The following CRYBG1 variants were observed in gnomAD, a reference collection of about 807,000 sequenced individuals.
CRYBG1 encodes the protein beta/gamma crystallin domain-containing protein 1.
CRYBG1 carries 139 observed loss-of-function variants against 189.2 expected under a neutral mutation model. The ratio of observed to expected loss-of-function variants is 0.73; its 90% CI spans 0.64 to 0.85. CRYBG1 has a LOEUF of 0.85. Ranked by LOEUF, CRYBG1 falls within the 40% of genes least tolerant of loss-of-function variation. The pLI, the probability that CRYBG1 is intolerant of heterozygous loss-of-function variation, is 0.00. For synonymous variants in CRYBG1, 1,023 were observed against 1,017.1 expected (o/e 1.01, Z -0.11); for missense variants, 2,611 against 2,675.8 (o/e 0.98, Z 0.53).
At chr6:106,477,393 A>G (rs1447383275) in intron 2 of CRYBG1, among the ~76,000 whole-genome samples, 1 of 152,182 alleles carries the variant, frequency 6.6e-6, no homozygotes, top group Non-Finnish European at 1.5e-5. Flanking sequence ...TTCAGTAGAT[A>G]GTTAATATCC....
chr6:106,512,130 G>A lies in CRYBG1; in HGVS notation c.1013G>A (p.Gly338Asp), dbSNP rs1773283422. Residue 338 changes from glycine to aspartate, a missense_variant, in exon 3 of 22, where the codon GGC becomes GAC. Physicochemically the swap from Gly to Asp is moderately conservative, Grantham distance 94. Coordinates refer to ENST00000633556, the MANE Select transcript of CRYBG1 (RefSeq NM_001371242.2). Reference protein sequence around the residue: ...PRNARSQPPKGASDLPGEPPA... With the variant: ...PRNARSQPPKDASDLPGEPPA... The stretch of plus-strand genomic sequence containing the variant: ...AACGCCCGCAGCCAGCCCCCCAAGG[G>A]CGCGTCTGATTTGCCAGGTGAGCCT... 2 of 1,534,434 alleles carry A rather than the reference G, an allele frequency of 1.3e-6. No individual in the cohort carries two copies. Among genetic ancestry groups the A allele is most frequent in the South Asian group, 2.4e-5 (2 of 83,938 alleles).
At chr6:106,516,685 A>T (rs1393200862) in intron 3 of CRYBG1, among the ~76,000 whole-genome samples, 1 of 152,196 alleles carries the variant, frequency 6.6e-6, no homozygotes, top group Non-Finnish European at 1.5e-5. Flanking sequence ...AATGATAAAG[A>T]TGGAAAGAAC....
chr6:106,368,324 G>C (rs1582723911), intron 1 of CRYBG1, among the ~76,000 whole-genome samples: 1 of 152,006 alleles, frequency 6.6e-6, no homozygotes, highest in African/African-American at 2.4e-5. Flanking sequence ...TTCAGCTAAG[G>C]GGTCAGTTAT....
intron 2 of CRYBG1, among the ~76,000 whole-genome samples, chr6:106,487,110 G>T (rs575771751): frequency 6.6e-6 from 1 of 152,070 alleles, no homozygotes; most frequent in East Asian, 1.9e-4. Flanking sequence ...TTACCGTGGG[G>T]TTAACAAAAC....
intron 1 of CRYBG1, among the ~76,000 whole-genome samples, chr6:106,400,808 C>A (rs1323459236): frequency 6.6e-6 from 1 of 152,110 alleles, no homozygotes; most frequent in East Asian, 1.9e-4. Flanking sequence ...GGAGGGTGAT[C>A]AGTTCTTTAA....
intron 3 of CRYBG1, among the ~76,000 whole-genome samples, chr6:106,513,811 G>A (rs1218958768): frequency 6.6e-6 from 1 of 152,142 alleles, no homozygotes; most frequent in East Asian, 1.9e-4. Flanking sequence ...ATGTATCTTG[G>A]TTGCTTCTTC....
chr6:106,478,994 C>A (rs1310434891), intron 2 of CRYBG1, among the ~76,000 whole-genome samples: 1 of 152,190 alleles, frequency 6.6e-6, no homozygotes, highest in East Asian at 1.9e-4. Context: ...CAATGTGTAG[C>A]TTTTTGCGTC....
intron 2 of CRYBG1, among the ~76,000 whole-genome samples, 164 bp from the exon 3 acceptor site, chr6:106,511,266 C>T (rs989626648): frequency 1.3e-5 from 2 of 152,158 alleles, no homozygotes; most frequent in Non-Finnish European, 2.9e-5. Flanking sequence ...AAAGTAAAAC[C>T]AGAGTTTATT....
chr6:106,552,835 A>G (rs1325224573), intron 15 of CRYBG1, among the ~76,000 whole-genome samples: 1 of 152,220 alleles, frequency 6.6e-6, no homozygotes, highest in Non-Finnish European at 1.5e-5. Context: ...AAACAATAGC[A>G]TCTAGTTATT....
intron 1 of CRYBG1, among the ~76,000 whole-genome samples, chr6:106,408,332 G>A (rs533832956): frequency 8.5e-5 from 13 of 152,204 alleles, no homozygotes; most frequent in Non-Finnish European, 1.8e-4. Context: ...GGAAGAAGTC[G>A]AATCCCTGAA....
At chr6:106,422,267 G>A (rs1026726458) in intron 1 of CRYBG1, among the ~76,000 whole-genome samples, 19 of 152,040 alleles carry the variant, frequency 1.2e-4, no homozygotes, top group African/African-American at 4.6e-4. Context: ...TTAAATTCTT[G>A]AGTGCAGGGA....
chr6:106,391,099 G>A (rs1219040067), intron 1 of CRYBG1, among the ~76,000 whole-genome samples: 4 of 151,994 alleles, frequency 2.6e-5, no homozygotes, highest in African/African-American at 4.8e-5. Flanking sequence ...ATGGAGTCTC[G>A]CTCAGTCACC....
At chr6:106,538,709 A>G (rs1247026081) in intron 8 of CRYBG1, among the ~76,000 whole-genome samples, 1 of 151,984 alleles carries the variant, frequency 6.6e-6, no homozygotes, top group Non-Finnish European at 1.5e-5. Flanking sequence ...CCTGGCCAAT[A>G]TGGTGAGACC....
intron 1 of CRYBG1, among the ~76,000 whole-genome samples, chr6:106,447,547 A>AAT (rs59943398): frequency 0.16 from 22,543 of 140,774 alleles, 2,018 homozygotes; most frequent in Middle Eastern, 0.28. Flanking sequence ...GTACCTCATA[A>AAT]ATATATATAT....
At chr6:106,524,871 T>C (rs1381571688) in intron 4 of CRYBG1, among the ~76,000 whole-genome samples, 1 of 152,232 alleles carries the variant, frequency 6.6e-6, no homozygotes, top group African/African-American at 2.4e-5. Flanking sequence ...GTGCCCTGAA[T>C]TTTCTAGCAT....
rs192240765 is a variant in CRYBG1 at position 106,476,717 on chromosome 6, C to G, written c.312+24885C>G. 2.0e-4 allele frequency among the ~76,000 whole-genome samples: 30 copies of G among 152,216 alleles called. 1 individual carries two copies. In the East Asian group the frequency reaches 5.8e-3, roughly 29 times the overall value. Reference sequence around the variant, plus strand: ...TAGATATAATTCAATAGATCATATTCTTTTTGTGAACTTTTTAGGAACTGC... The same window carrying G: ...TAGATATAATTCAATAGATCATATTGTTTTTGTGAACTTTTTAGGAACTGC... On this transcript the variant is annotated intron_variant, in intron 2 of 21. Coordinates refer to ENST00000633556, the MANE Select transcript of CRYBG1 (RefSeq NM_001371242.2).
intron 11 of CRYBG1, 57 bp downstream of exon 11, chr6:106,543,654 A>T: frequency 6.4e-7 from 1 of 1,553,782 alleles, no homozygotes; most frequent in South Asian, 1.2e-5. Flanking sequence ...TTAAGTAATA[A>T]ATGTGCCCTT....
chr6:106,476,469 G>A (rs1772336148), intron 2 of CRYBG1, among the ~76,000 whole-genome samples: 1 of 152,102 alleles, frequency 6.6e-6, no homozygotes, highest in Admixed American at 6.6e-5. Flanking sequence ...CCATTTAATG[G>A]AATAGATTTC....
intron 1 of CRYBG1, among the ~76,000 whole-genome samples, chr6:106,412,058 A>C (rs1490282021): frequency 6.6e-6 from 1 of 152,194 alleles, no homozygotes; most frequent in Admixed American, 6.5e-5. Flanking sequence ...TCACAGACAC[A>C]CCCAGAAACA....
Sources: allele counts gnomAD v4.1 joint callset (sites outside exome capture counted in the v4.1 genomes callset), GRCh38; gene constraint gnomAD v4.1.1; transcripts MANE v1.5; gene names NCBI Gene and HGNC (gene_info 2026-07-23, HGNC 2026-07-21).